GALNT17: variants seen among roughly 807,000 people sequenced by gnomAD.
GALNT17 encodes the protein UDP-GalNAc:polypeptide N-acetylgalactosaminyltransferase-like 3.
GALNT17 carries 29 observed loss-of-function variants against 63.7 expected under a neutral mutation model. That is an observed-to-expected ratio of 0.46 (90% CI 0.34 to 0.62). The LOEUF (loss-of-function observed/expected upper bound fraction) is 0.62, where lower values mean the gene tolerates loss of function less well. GALNT17 is among the 20% of genes least tolerant of loss of function. The pLI is 0.01. For missense variants in GALNT17, 603 were observed against 799.6 expected (o/e 0.75, Z 2.97); for synonymous variants, 305 against 318.3 (o/e 0.96, Z 0.45).
chr7:71,276,042 T>C lies in GALNT17; in HGVS notation c.239-59508T>C, dbSNP rs571802328. ...CACTTAATTTTGTGATTTGTTGCTA[T>C]AATGTTTACTTGTCCCTGGTCTTCC... On this transcript the variant is annotated intron_variant, in intron 1 of 10. Coordinates refer to ENST00000333538, the MANE Select transcript of GALNT17 (RefSeq NM_022479.3). Among the ~76,000 whole-genome samples, 32 of 152,380 alleles carry C rather than the reference T, an allele frequency of 2.1e-4. 1 individual carries two copies. Among genetic ancestry groups the C allele is most frequent in the African/African-American group, 7.7e-4 (32 of 41,596 alleles).
intron 5 of GALNT17, among the ~76,000 whole-genome samples, chr7:71,552,611 C>G (rs1168027483): frequency 2.0e-5 from 3 of 151,028 alleles, no homozygotes; most frequent in African/African-American, 7.3e-5. Flanking sequence ...CGGTTAATTT[C>G]TTGTATGTTT....
At chr7:71,542,740 A>G (rs1286449197) in intron 5 of GALNT17, among the ~76,000 whole-genome samples, 2 of 151,338 alleles carry the variant, frequency 1.3e-5, no homozygotes, top group African/African-American at 4.9e-5. Flanking sequence ...GCAGTGATGG[A>G]AATTGTCAGA....
intron 9 of GALNT17, among the ~76,000 whole-genome samples, chr7:71,708,901 TC>T (rs1791754563): frequency 6.6e-6 from 1 of 152,230 alleles, no homozygotes; most frequent in Non-Finnish European, 1.5e-5. Context: ...CTGTTCTTTT[TC>T]ATGGCTGTAT....
chr7:71,707,518 C>G (rs1465836959), intron 9 of GALNT17, among the ~76,000 whole-genome samples: 13 of 152,280 alleles, frequency 8.5e-5, no homozygotes, highest in Admixed American at 8.5e-4. Flanking sequence ...TAACAACTAC[C>G]CCAAAACGTA....
At chr7:71,319,125 T>TCTTTCTTTCTTTCTTTC (rs1554352835) in intron 1 of GALNT17, among the ~76,000 whole-genome samples, 3 of 151,804 alleles carry the variant, frequency 2.0e-5, no homozygotes, top group African/African-American at 7.3e-5. Context: ...TTTCTTTCTT[T>TCTTTCTTTCTTTCTTTC]TTTTTGTTCT....
intron 1 of GALNT17, among the ~76,000 whole-genome samples, chr7:71,202,789 C>T (rs2116371440): frequency 6.6e-6 from 1 of 152,352 alleles, no homozygotes; most frequent in African/African-American, 2.4e-5. Flanking sequence ...TGCCACCAGC[C>T]TTTGGTAAAC....
At chr7:71,417,688 G>A (rs1251194050) in intron 4 of GALNT17, among the ~76,000 whole-genome samples, 2 of 152,198 alleles carry the variant, frequency 1.3e-5, no homozygotes, top group African/African-American at 4.8e-5. Flanking sequence ...CATAATGGAA[G>A]CCTTCTGAAA....
intron 5 of GALNT17, among the ~76,000 whole-genome samples, chr7:71,453,544 T>C (rs79621326): frequency 0.12 from 17,965 of 152,170 alleles, 1,793 homozygotes; most frequent in East Asian, 0.55. Flanking sequence ...TGGGGGAAAC[T>C]TCCCCCATGA....
At chr7:71,188,427 C>T (rs1484742837) in intron 1 of GALNT17, among the ~76,000 whole-genome samples, 3 of 152,216 alleles carry the variant, frequency 2.0e-5, no homozygotes, top group Non-Finnish European at 4.4e-5. Context: ...GCGATTCTTG[C>T]GGGAGTCAGG....
chr7:71,583,219 T>C (rs749502827), intron 6 of GALNT17, among the ~76,000 whole-genome samples: 9 of 152,204 alleles, frequency 5.9e-5, no homozygotes, highest in South Asian at 2.1e-4. Flanking sequence ...CTCAGCCTCC[T>C]GAGTAGCTGG....
At chr7:71,620,537 T>A (rs905786681) in intron 6 of GALNT17, among the ~76,000 whole-genome samples, 2 of 152,208 alleles carry the variant, frequency 1.3e-5, no homozygotes, top group African/African-American at 2.4e-5. Flanking sequence ...TTTGAAACCA[T>A]TCTTGTCACT....
At chr7:71,231,015 C>T (rs1789778568) in intron 1 of GALNT17, among the ~76,000 whole-genome samples, 1 of 151,972 alleles carries the variant, frequency 6.6e-6, no homozygotes, top group South Asian at 2.1e-4. Flanking sequence ...AATTTGAGAA[C>T]CTTAGACTTA....
At chr7:71,465,704 T>C (rs140141233) in intron 5 of GALNT17, among the ~76,000 whole-genome samples, 197 of 152,300 alleles carry the variant, frequency 1.3e-3, no homozygotes, top group African/African-American at 4.5e-3. Context: ...CATACAGATT[T>C]ATTTAACATG....
chr7:71,382,822 T>G (rs1792872061), intron 2 of GALNT17, among the ~76,000 whole-genome samples: 2 of 152,142 alleles, frequency 1.3e-5, no homozygotes, highest in African/African-American at 4.8e-5. Context: ...ATGAATTTAT[T>G]TATTTTTCCC....
In GALNT17 at chr7:71,458,570, G is replaced by T. The variant is rs112765538; in HGVS notation, c.962+37465G>T. Among the ~76,000 whole-genome samples the T allele has an allele frequency of 5.4e-3, 819 of 152,316 alleles. 8 individuals are homozygous for T. Among genetic ancestry groups the T allele is most frequent in the African/African-American group, 0.019 (780 of 41,580 alleles). On this transcript the variant is annotated intron_variant, in intron 5 of 10. Transcript: ENST00000333538. ...TTAACCAGCTCAGTGCCCTGTTGGT[G>T]CCTGGGTTCTTGCCTGGTGTCCAGG...
chr7:71,462,831 C>T (rs553748605), intron 5 of GALNT17, among the ~76,000 whole-genome samples: 2 of 152,156 alleles, frequency 1.3e-5, no homozygotes, highest in Admixed American at 6.5e-5. Flanking sequence ...GCAGGTTTGC[C>T]GCAAGCAGTT....
intron 2 of GALNT17, among the ~76,000 whole-genome samples, chr7:71,387,003 G>A (rs145082424): frequency 1.3e-3 from 201 of 152,198 alleles, no homozygotes; most frequent in Non-Finnish European, 2.3e-3. Flanking sequence ...TTGAGTGCAA[G>A]TAGTTTATTT....
At chr7:71,645,011 A>T (rs1026984121) in intron 6 of GALNT17, among the ~76,000 whole-genome samples, 2 of 152,120 alleles carry the variant, frequency 1.3e-5, no homozygotes, top group African/African-American at 4.8e-5. Flanking sequence ...AGTGGGAAAA[A>T]AGAGGATGGA....
At chr7:71,177,948 A>T (rs1788668477) in intron 1 of GALNT17, among the ~76,000 whole-genome samples, 1 of 151,976 alleles carries the variant, frequency 6.6e-6, no homozygotes, top group Admixed American at 6.6e-5. Flanking sequence ...AAATGTGTAT[A>T]TTTTTCCTGT....
Sources: allele counts gnomAD v4.1 joint callset (sites outside exome capture counted in the v4.1 genomes callset), GRCh38; gene constraint gnomAD v4.1.1; transcripts MANE v1.5; gene names NCBI Gene and HGNC (gene_info 2026-07-23, HGNC 2026-07-21).